The following TMEM163 variants were observed in gnomAD, a reference collection of about 807,000 sequenced individuals.
TMEM163 encodes transmembrane protein 163.
TMEM163 carries 17 observed loss-of-function variants against 29.3 expected under a neutral mutation model. The ratio of observed to expected loss-of-function variants is 0.58; its 90% confidence interval spans 0.40 to 0.87. The LOEUF is 0.87. Among genes scored for constraint, TMEM163 ranks in the 40% least tolerant of loss-of-function variants. The pLI is 0.00. For missense variants in TMEM163, 303 were observed against 381.5 expected (o/e 0.79, Z 1.71); for synonymous variants, 157 against 160.6 (o/e 0.98, Z 0.17).
chr2:134,695,005 C>T (rs990734233), intron 2 of TMEM163, among the ~76,000 whole-genome samples: 27 of 152,040 alleles, frequency 1.8e-4, no homozygotes, highest in African/African-American at 6.3e-4. Flanking sequence ...TCCTTAAAGA[C>T]ATCAGAAAAA....
chr2:134,560,163 G>T (rs79275826), intron 2 of TMEM163, among the ~76,000 whole-genome samples: 3,522 of 152,190 alleles, frequency 0.023, 117 homozygotes, highest in Middle Eastern at 0.14. Flanking sequence ...ACCTGCCCTC[G>T]TTCCCAATCT....
intron 6 of TMEM163, among the ~76,000 whole-genome samples, chr2:134,465,074 G>A (rs55934658): frequency 0.26 from 39,037 of 151,506 alleles, 5,424 homozygotes; most frequent in Middle Eastern, 0.41. Context: ...TAATCTACCC[G>A]GGCACGGTGG....
In TMEM163 at chr2:134,466,612, G is replaced by T. The variant is rs576456060; in HGVS notation, c.556-387C>A. On this transcript the variant is annotated intron_variant, in intron 5 of 7. Coordinates refer to ENST00000281924, the MANE Select transcript of TMEM163 (RefSeq NM_030923.5). ...ACCAAGCAGTTGACTGAGAATTTTG[G>T]AACACGTAAACACACCACCAGCCTA... 28 of 194,916 alleles carry T rather than the reference G, an allele frequency of 1.4e-4. No individual in the cohort carries two copies. The Admixed American group carries it at 1.6e-3, about 11-fold the overall frequency. 12.1% of individuals were successfully genotyped at this position (194,916 alleles called of 1,614,324 possible). A position where few individuals can be genotyped will look rare whatever the true frequency, so the allele number is the denominator to read the frequency against.
chr2:134,691,915 G>C (rs1253275222), intron 2 of TMEM163, among the ~76,000 whole-genome samples: 1 of 152,156 alleles, frequency 6.6e-6, no homozygotes, highest in Non-Finnish European at 1.5e-5. Flanking sequence ...ACCTTAATAA[G>C]CAACAAATAG....
chr2:134,511,096 C>T (rs1679935195), intron 4 of TMEM163, among the ~76,000 whole-genome samples: 2 of 140,914 alleles, frequency 1.4e-5, no homozygotes, highest in African/African-American at 5.6e-5. Context: ...GCAATGAACA[C>T]ATGAACACCC....
chr2:134,681,992 A>C (rs1252120204), intron 2 of TMEM163, among the ~76,000 whole-genome samples: 1 of 152,206 alleles, frequency 6.6e-6, no homozygotes, highest in African/African-American at 2.4e-5. Flanking sequence ...ACACGCAATT[A>C]AGAGATGCCT....
chr2:134,508,220 A>C (rs1028984733), intron 4 of TMEM163, among the ~76,000 whole-genome samples: 1 of 152,180 alleles, frequency 6.6e-6, no homozygotes, highest in Middle Eastern at 3.2e-3. Context: ...AAAAGAGCCA[A>C]ACAAGAGAAG....
At chr2:134,526,779 A>T (rs1450750083) in intron 4 of TMEM163, among the ~76,000 whole-genome samples, 2 of 152,244 alleles carry the variant, frequency 1.3e-5, no homozygotes, top group African/African-American at 2.4e-5. Context: ...AAGCATCATA[A>T]AAGTTCCATG....
At chr2:134,461,137 C>G (rs1686525802) in intron 6 of TMEM163, among the ~76,000 whole-genome samples, 1 of 152,236 alleles carries the variant, frequency 6.6e-6, no homozygotes, top group Non-Finnish European at 1.5e-5. Context: ...GCCCTGTCCC[C>G]ACAGTTGCAA....
chr2:134,716,513 TAC>T (rs1685039502), intron 1 of TMEM163, among the ~76,000 whole-genome samples: 1 of 152,090 alleles, frequency 6.6e-6, no homozygotes, highest in Non-Finnish European at 1.5e-5. Flanking sequence ...GAATGCCAAA[TAC>T]AGGTGCAGAT....
At chr2:134,545,086 G>GA (rs1310519722) in intron 4 of TMEM163, among the ~76,000 whole-genome samples, 4 of 152,232 alleles carry the variant, frequency 2.6e-5, no homozygotes, top group Admixed American at 6.5e-5. Context: ...AAACAAATGA[G>GA]AAAAAACCAC....
chr2:134,521,046 T>C (rs1243597770), intron 4 of TMEM163, among the ~76,000 whole-genome samples: 4 of 151,680 alleles, frequency 2.6e-5, no homozygotes, highest in African/African-American at 9.7e-5. Flanking sequence ...TCACCCAGGC[T>C]GGAGTGCAGT....
chr2:134,626,200 G>A (rs1682848123), intron 2 of TMEM163, among the ~76,000 whole-genome samples: 2 of 147,666 alleles, frequency 1.4e-5, no homozygotes, highest in African/African-American at 5.0e-5. Context: ...CACCCCCTGG[G>A]TTCAAGCAAT....
intron 4 of TMEM163, among the ~76,000 whole-genome samples, chr2:134,525,696 C>A (rs114786911): frequency 6.6e-6 from 1 of 152,334 alleles, no homozygotes; most frequent in East Asian, 1.9e-4. Flanking sequence ...GAAGAACCCA[C>A]TAAAAACAGA....
At chr2:134,550,758 A>C in intron 3 of TMEM163, 97 bp from the exon 4 acceptor site, 1 of 1,165,506 alleles carries the variant, frequency 8.6e-7, no homozygotes, top group Non-Finnish European at 1.3e-6. Flanking sequence ...GAACATCTGC[A>C]TGAGTAAACT....
chr2:134,466,565 T>A, intron 5 of TMEM163: 1 of 208,092 alleles, frequency 4.8e-6, no homozygotes, highest in Non-Finnish European at 9.7e-6. Flanking sequence ...ATCTTCTATA[T>A]AGAATTTTCC....
intron 4 of TMEM163, among the ~76,000 whole-genome samples, chr2:134,538,971 T>C (rs1680601710): frequency 6.6e-6 from 1 of 152,128 alleles, no homozygotes; most frequent in South Asian, 2.1e-4. Flanking sequence ...TTTAATGGGG[T>C]GACAGTATGC....
At chr2:134,589,116 G>A (rs1007056260) in intron 2 of TMEM163, among the ~76,000 whole-genome samples, 7 of 152,142 alleles carry the variant, frequency 4.6e-5, no homozygotes, top group Admixed American at 4.6e-4. Flanking sequence ...AGAAGTGAGA[G>A]GCAGCAGAAA....
chr2:134,533,430 G>T (rs1326081850), intron 4 of TMEM163, among the ~76,000 whole-genome samples: 3 of 152,206 alleles, frequency 2.0e-5, no homozygotes, highest in Non-Finnish European at 4.4e-5. Flanking sequence ...TATTCTGGAA[G>T]CACATGCACC....
Sources: gnomAD v4.1 joint callset for allele counts (sites outside exome capture counted in the v4.1 genomes callset) on GRCh38, gnomAD v4.1.1 for gene constraint, MANE v1.5 for transcripts, NCBI Gene and HGNC (gene_info 2026-07-23, HGNC 2026-07-21) for gene names.